Variants in INO80D observed in about 807,000 individuals in gnomAD.
INO80D encodes the protein INO80 complex subunit D.
Under a neutral mutation model 87.6 loss-of-function variants are expected in INO80D, and 21 were observed. That is an observed-to-expected ratio of 0.24 (90% confidence interval 0.17 to 0.35). The LOEUF is 0.35. Among genes scored for constraint, INO80D ranks in the 10% least tolerant of loss-of-function variants. The pLI, the probability that INO80D is intolerant of heterozygous loss-of-function variation, is 1.00. For missense variants in INO80D, 982 were observed against 1,280.7 expected (o/e 0.77, Z 3.56); for synonymous variants, 440 against 491.0 (o/e 0.90, Z 1.37).
chr2:206,007,520 A>G (rs968978461), intron 9 of INO80D, 79 bp from the exon 10 acceptor site: 2 of 1,487,844 alleles, frequency 1.3e-6, no homozygotes, highest in South Asian at 1.4e-5. Context: ...TTCATTCAAC[A>G]TGAAAAGAAG....
intron 5 of INO80D, among the ~76,000 whole-genome samples, chr2:206,046,247 G>C (rs1689189642): frequency 1.3e-5 from 2 of 152,034 alleles, no homozygotes; most frequent in Admixed American, 1.3e-4. Flanking sequence ...ATTCAAGAAG[G>C]AAACTAGGGC....
At chr2:206,058,564 A>G (rs1285196431) in intron 3 of INO80D, among the ~76,000 whole-genome samples, 1 of 151,454 alleles carries the variant, frequency 6.6e-6, no homozygotes, top group Non-Finnish European at 1.5e-5. Flanking sequence ...GTGAAACCCC[A>G]TCTCTACTAA....
At chr2:206,036,809 A>T (rs1688907521) in intron 5 of INO80D, among the ~76,000 whole-genome samples, 1 of 152,226 alleles carries the variant, frequency 6.6e-6, no homozygotes, top group African/African-American at 2.4e-5. Context: ...ATGCTGAGGC[A>T]CGTTACATGA....
In INO80D at chr2:205,999,911, T is replaced by G. The variant is rs1460837008; in HGVS notation, c.*4457A>C. On this transcript the variant is annotated 3_prime_UTR_variant, in exon 11 of 11. Transcript: ENST00000403263. Reference sequence around the variant, plus strand: ...CTTTTCTACAGAATGCCAGTGAAGATTCAGTTAATGTATTGGGCGGGGGGA... The same window carrying G: ...CTTTTCTACAGAATGCCAGTGAAGAGTCAGTTAATGTATTGGGCGGGGGGA... 1 of 152,154 alleles carries G rather than the reference T, an allele frequency of 6.6e-6. No homozygotes were observed. The highest frequency in any genetic ancestry group is 1.9e-4 in the East Asian group (1 of 5,192). 9.4% of individuals were successfully genotyped at this position (152,154 alleles called of 1,614,324 possible).
intron 1 of INO80D, among the ~76,000 whole-genome samples, chr2:206,067,245 C>CAA: frequency 8.1e-6 from 1 of 122,924 alleles, no homozygotes; most frequent in African/African-American, 3.0e-5. Context: ...CAACCGTCTC[C>CAA]AAAAAAAAAA....
chr2:206,025,117 A>G (rs1397327955), intron 6 of INO80D, among the ~76,000 whole-genome samples: 1 of 152,116 alleles, frequency 6.6e-6, no homozygotes, highest in Non-Finnish European at 1.5e-5. Context: ...CATAAAAATG[A>G]GACTGTACAA....
At chr2:206,060,721 C>T (rs1214409634) in intron 3 of INO80D, among the ~76,000 whole-genome samples, 2 of 151,864 alleles carry the variant, frequency 1.3e-5, no homozygotes, top group Non-Finnish European at 2.9e-5. Context: ...CCACCACACC[C>T]GGCTAATTTT....
intron 5 of INO80D, among the ~76,000 whole-genome samples, chr2:206,046,126 C>A (rs1171642451): frequency 6.6e-6 from 1 of 152,122 alleles, no homozygotes; most frequent in East Asian, 1.9e-4. Flanking sequence ...ATTTTACCAC[C>A]AATTTTTTAG....
chr2:206,051,462 AC>A lies in INO80D; in HGVS notation c.964+4735del, dbSNP rs754187699. 3.3e-5 allele frequency among the ~76,000 whole-genome samples: 5 copies of A among 152,168 alleles called. 1 individual carries two copies. The highest frequency in any genetic ancestry group is 4.8e-5 in the African/African-American group (2 of 41,450). On this transcript the variant is annotated intron_variant, in intron 4 of 10. Coordinates refer to ENST00000403263, the MANE Select transcript of INO80D (RefSeq NM_017759.5). ...TATAATATACATATAAAAAGCTCTTACCAATCAATAGAAAATAAATATATGG... is the reference window on the plus strand; with the variant it reads ...TATAATATACATATAAAAAGCTCTTACAATCAATAGAAAATAAATATATGG...
chr2:206,047,689 T>C (rs1261590822), intron 4 of INO80D, among the ~76,000 whole-genome samples: 1 of 150,644 alleles, frequency 6.6e-6, no homozygotes, highest in Non-Finnish European at 1.5e-5. Context: ...AAAGTGCAGA[T>C]AGAGTCACTC....
intron 5 of INO80D, 55 bp from the exon 6 acceptor site, chr2:206,028,390 G>A: frequency 7.2e-7 from 1 of 1,396,042 alleles, no homozygotes; most frequent in South Asian, 1.3e-5. Flanking sequence ...GCTCATTTTA[G>A]ACAGGGTAAA....
chr2:206,051,552 A>G (rs1477943080), intron 4 of INO80D, among the ~76,000 whole-genome samples: 1 of 152,232 alleles, frequency 6.6e-6, no homozygotes, highest in East Asian at 1.9e-4. Context: ...ATACTCAACT[A>G]TATTATTAAT....
In INO80D at chr2:206,009,745, T is replaced by G. The variant is rs780870346; in HGVS notation, c.1592A>C (p.Gln531Pro). 1 of 1,613,846 alleles carries G rather than the reference T, an allele frequency of 6.2e-7. No individual in the cohort carries two copies. The highest frequency in any genetic ancestry group is 8.5e-7 in the Non-Finnish European group (1 of 1,179,822). The change falls in exon 9 of 11, where the codon CAG becomes CCG. Residue 531 changes from glutamine (Q) to proline (P), a missense_variant. Transcript: ENST00000403263. ...CTTGGTTTTTTTCCTGGGTTTCCTCTGCTGCTGGTGCTGAACTTTACGGGA... is the reference window on the plus strand; with the variant it reads ...CTTGGTTTTTTTCCTGGGTTTCCTCGGCTGCTGGTGCTGAACTTTACGGGA... Reference protein sequence around the residue: ...DNSRKVQHQQQRKPRKKTKPP... With the variant: ...DNSRKVQHQQPRKPRKKTKPP...
chr2:206,049,849 C>T (rs1689300870), intron 4 of INO80D, among the ~76,000 whole-genome samples: 2 of 152,142 alleles, frequency 1.3e-5, no homozygotes, highest in Non-Finnish European at 1.5e-5. Flanking sequence ...TTTAAAAGGG[C>T]GTCCGGGCAT....
At chr2:206,082,306 C>T (rs1690307087) in intron 1 of INO80D, among the ~76,000 whole-genome samples, 1 of 152,240 alleles carries the variant, frequency 6.6e-6, no homozygotes, top group Admixed American at 6.5e-5. Context: ...AGGCGTGAGC[C>T]ACCACGCCCG....
intron 1 of INO80D, among the ~76,000 whole-genome samples, chr2:206,083,931 C>T (rs957664779): frequency 1.3e-5 from 2 of 151,374 alleles, no homozygotes; most frequent in Non-Finnish European, 2.9e-5. Flanking sequence ...CACGCCCACA[C>T]TGGGGACTGG....
intron 5 of INO80D, among the ~76,000 whole-genome samples, chr2:206,043,681 G>T (rs984851147): frequency 1.3e-5 from 2 of 151,660 alleles, no homozygotes; most frequent in Non-Finnish European, 2.9e-5. Flanking sequence ...TAGAGACGGG[G>T]TTTCACCGCG....
rs538518726 is a variant in INO80D, at chr2:206,005,730, G to C, written c.1919-197C>G. On this transcript the variant is annotated intron_variant, in intron 10 of 10. Transcript: ENST00000403263. ...AGGGTCTGTAACGTCAGCTACCTAG[G>C]AATTTGAATCACCATCTTCAGTTGA... 2.0e-5 allele frequency among the ~76,000 whole-genome samples: 3 copies of C among 152,258 alleles called. No individual in the cohort carries two copies. In the South Asian group the frequency reaches 6.2e-4, roughly 32 times the overall value.
intron 5 of INO80D, among the ~76,000 whole-genome samples, chr2:206,031,892 A>C (rs909792570): frequency 1.3e-5 from 2 of 152,158 alleles, no homozygotes; most frequent in African/African-American, 4.8e-5. Context: ...GGAAAGGGAG[A>C]TTCTCCGTTT....
Sources: gnomAD v4.1 joint callset for allele counts (sites outside exome capture counted in the v4.1 genomes callset) on GRCh38, gnomAD v4.1.1 for gene constraint, MANE v1.5 for transcripts, NCBI Gene and HGNC (gene_info 2026-07-23, HGNC 2026-07-21) for gene names.